Variants in RHOBTB3 observed in about 807,000 individuals in gnomAD.
RHOBTB3 encodes the protein Rho related BTB domain containing 3.
RHOBTB3 carries 47 observed loss-of-function variants against 67.2 expected under a neutral mutation model. That is an observed-to-expected ratio of 0.70 (90% CI 0.55 to 0.89). The LOEUF is 0.89. Among genes scored for constraint, RHOBTB3 ranks in the 40% least tolerant of loss-of-function variants. The probability of loss-of-function intolerance (pLI) is 0.00; values close to 1 mark genes in which losing one functional copy is unlikely to be tolerated. For missense variants in RHOBTB3, 631 were observed against 750.0 expected (o/e 0.84, Z 1.85); for synonymous variants, 273 against 274.2 (o/e 1.00, Z 0.04).
chr5:95,762,817 TC>T (rs1457487119), intron 6 of RHOBTB3, among the ~76,000 whole-genome samples: 10 of 151,398 alleles, frequency 6.6e-5, no homozygotes, highest in Non-Finnish European at 1.2e-4. Context: ...GGGGAAAAGG[TC>T]AGCTTTTGCT....
At chr5:95,769,396 C>A (rs575325086) in intron 8 of RHOBTB3, 20 of 354,914 alleles carry the variant, frequency 5.6e-5, no homozygotes, top group African/African-American at 3.2e-4. Context: ...GAGAAGATTA[C>A]CAGAGGTGCT....
At chr5:95,718,793 G>T (rs1204155260) in intron 1 of RHOBTB3, among the ~76,000 whole-genome samples, 1 of 152,216 alleles carries the variant, frequency 6.6e-6, no homozygotes, top group Non-Finnish European at 1.5e-5. Context: ...TGAAATCTCA[G>T]TTGGATAGGG....
intron 7 of RHOBTB3, among the ~76,000 whole-genome samples, chr5:95,766,691 G>A (rs1745554139): frequency 6.6e-6 from 1 of 152,094 alleles, no homozygotes; most frequent in Middle Eastern, 3.2e-3. Context: ...AGGAGGGTTG[G>A]CACACAGGGG....
chr5:95,727,600 G>T (rs573957810), upstream of RHOBTB3, among the ~76,000 whole-genome samples: 1 of 152,308 alleles, frequency 6.6e-6, no homozygotes, highest in South Asian at 2.1e-4. Context: ...TGACCTTGAG[G>T]TTGGAGGACA....
upstream of RHOBTB3, chr5:95,731,327 G>A (rs1464684522): frequency 9.2e-7 from 1 of 1,086,856 alleles, no homozygotes; most frequent in African/African-American, 1.7e-5. Flanking sequence ...GAGGAGCAGC[G>A]GCAGCGGCAG....
intron 3 of RHOBTB3, among the ~76,000 whole-genome samples, chr5:95,738,747 A>G (rs1179441361): frequency 1.3e-5 from 2 of 152,078 alleles, no homozygotes; most frequent in East Asian, 3.9e-4. Flanking sequence ...GTGGTGTTCC[A>G]TTATAGAAGC....
intron 7 of RHOBTB3, chr5:95,767,830 G>A (rs1745593363): frequency 1.4e-6 from 1 of 705,514 alleles, no homozygotes; most frequent in South Asian, 1.5e-5. Flanking sequence ...TTTGTTTACT[G>A]CTGTGAATGC....
At chr5:95,773,226 T>C (rs1745769959) in intron 8 of RHOBTB3, among the ~76,000 whole-genome samples, 1 of 152,222 alleles carries the variant, frequency 6.6e-6, no homozygotes, top group Admixed American at 6.5e-5. Flanking sequence ...AGGCACCTGC[T>C]CCCCTTTCAC....
At chr5:95,788,711 T>C (rs1397400427) in intron 10 of RHOBTB3, 51 bp from the exon 11 acceptor site, 1 of 1,215,492 alleles carries the variant, frequency 8.2e-7, no homozygotes. Context: ...GATCTTATCA[T>C]ACCAGTGGCC....
intron 7 of RHOBTB3, among the ~76,000 whole-genome samples, chr5:95,764,720 CTT>C (rs1375521817): frequency 6.6e-6 from 1 of 152,076 alleles, no homozygotes; most frequent in East Asian, 1.9e-4. Context: ...ATATAGATGA[CTT>C]TTCTGTTTTC....
chr5:95,757,888 T>C (rs1224338311), intron 6 of RHOBTB3, among the ~76,000 whole-genome samples: 1 of 152,190 alleles, frequency 6.6e-6, no homozygotes, highest in Admixed American at 6.5e-5. Context: ...TTTAGTACTA[T>C]AGATTTTGAC....
At chr5:95,742,456 A>AG (rs1217257746) in intron 3 of RHOBTB3, among the ~76,000 whole-genome samples, 1 of 152,202 alleles carries the variant, frequency 6.6e-6, no homozygotes, top group Admixed American at 6.5e-5. Flanking sequence ...GGAAAGTCTT[A>AG]ACTGTGTGAC....
chr5:95,737,259 ACTT>A (rs1370880071), intron 3 of RHOBTB3, among the ~76,000 whole-genome samples, 184 bp downstream of exon 3: 1 of 152,192 alleles, frequency 6.6e-6, no homozygotes, highest in African/African-American at 2.4e-5. Flanking sequence ...AGGATCATGA[ACTT>A]CTGCTGTGAT....
chr5:95,779,640 CA>C (rs1745992130), intron 8 of RHOBTB3, among the ~76,000 whole-genome samples: 1 of 152,188 alleles, frequency 6.6e-6, no homozygotes, highest in Admixed American at 6.5e-5. Flanking sequence ...TCAGGTGAGA[CA>C]GAATGGTTGC....
chr5:95,771,072 T>C (rs990244672), intron 8 of RHOBTB3, among the ~76,000 whole-genome samples: 11 of 152,254 alleles, frequency 7.2e-5, no homozygotes, highest in African/African-American at 2.7e-4. Context: ...TAACAGCAGA[T>C]GAGAAGTTAA....
chr5:95,750,783 C>T (rs2112794258), intron 4 of RHOBTB3, among the ~76,000 whole-genome samples: 1 of 152,202 alleles, frequency 6.6e-6, no homozygotes. Flanking sequence ...GGACAGTGGA[C>T]AGAGCTTTGA....
chr5:95,763,421 A>G, intron 6 of RHOBTB3, 87 bp from the exon 7 acceptor site: 1 of 770,196 alleles, frequency 1.3e-6, no homozygotes, highest in East Asian at 2.5e-5. Context: ...AGCACTAAAA[A>G]AAGGGAATGT....
At chr5:95,731,727 G>C in intron 1 of RHOBTB3, 43 bp downstream of exon 1, 1 of 1,612,634 alleles carries the variant, frequency 6.2e-7, no homozygotes, top group Non-Finnish European at 8.5e-7. Flanking sequence ...TCTCCAGCGC[G>C]TGCCGTGCGC....
chr5:95,793,223 G>A lies in RHOBTB3; in HGVS notation c.*49G>A. ...TTCTTTTTTATTATTATGAAGAATG[G>A]GATACCTCCAGGTTCCAGTAAAATT... On this transcript the variant is annotated 3_prime_UTR_variant, in exon 12 of 12. Coordinates refer to ENST00000379982, the MANE Select transcript of RHOBTB3 (RefSeq NM_014899.4). The A allele has an allele frequency of 1.6e-6, 2 of 1,233,016 alleles. No homozygotes were observed. The highest frequency in any genetic ancestry group is 2.3e-6 in the Non-Finnish European group (2 of 861,648). The allele number at this position is 1,233,016 out of a possible 1,614,324, so 76.4% of individuals were successfully genotyped here.
Sources: allele counts gnomAD v4.1 joint callset (sites outside exome capture counted in the v4.1 genomes callset), GRCh38; gene constraint gnomAD v4.1.1; transcripts MANE v1.5; gene names NCBI Gene and HGNC (gene_info 2026-07-23, HGNC 2026-07-21).